The following CFAP70 variants were observed in gnomAD, a reference collection of about 807,000 sequenced individuals.
CFAP70 encodes the protein cilia- and flagella-associated protein 70.
A neutral mutation model predicts 137.6 loss-of-function variants in CFAP70; 81 were observed. The ratio of observed to expected loss-of-function variants is 0.59; its 90% CI spans 0.49 to 0.71. The LOEUF (loss-of-function observed/expected upper bound fraction) is 0.71. CFAP70 is among the 30% of genes least tolerant of loss of function. The probability of loss-of-function intolerance (pLI) is 0.00; values close to 1 mark genes in which losing one functional copy is unlikely to be tolerated. For synonymous variants in CFAP70, 382 were observed against 423.6 expected (o/e 0.90, Z 1.20); for missense variants, 976 against 1,226.7 (o/e 0.80, Z 3.05).
At chr10:73,265,859 A>G (rs2045704108) in intron 25 of CFAP70, among the ~76,000 whole-genome samples, 1 of 148,958 alleles carries the variant, frequency 6.7e-6, no homozygotes, top group Non-Finnish European at 1.5e-5. Flanking sequence ...TCTTTCTTTC[A>G]TACTGTCATA....
chr10:73,309,302 T>A (rs1320092196), intron 12 of CFAP70, among the ~76,000 whole-genome samples: 1 of 152,148 alleles, frequency 6.6e-6, no homozygotes, highest in Non-Finnish European at 1.5e-5. Flanking sequence ...CAAAGCACTA[T>A]GGTACAATAT....
chr10:73,292,021 A>G lies in CFAP70; in HGVS notation c.1771-7T>C. On this transcript the variant is annotated splice_region_variant and splice_polypyrimidine_tract_variant and intron_variant, in intron 16 of 26. Coordinates refer to ENST00000310715, the Ensembl canonical transcript of CFAP70. ...GGGGCTCACGGACCAATCTCTAAGC[A>G]TCAGGAGAGCCAAGGTTATTGTGAT... 1 of 1,613,872 alleles carries G rather than the reference A, an allele frequency of 6.2e-7. No individual in the cohort carries two copies. The highest frequency in any genetic ancestry group is 8.5e-7 in the Non-Finnish European group (1 of 1,179,892).
chr10:73,353,778 C>A, intron 2 of CFAP70, 36 bp from the exon 3 acceptor site: 2 of 1,590,482 alleles, frequency 1.3e-6, no homozygotes, highest in South Asian at 1.1e-5. Flanking sequence ...CAATTATATT[C>A]AAATAGAGAA....
At chr10:73,262,113 C>A (rs1221874529) in intron 25 of CFAP70, among the ~76,000 whole-genome samples, 1 of 148,042 alleles carries the variant, frequency 6.8e-6, no homozygotes, top group Non-Finnish European at 1.5e-5. Context: ...ACAGTAGTCT[C>A]CCTTATCTGA....
intron 7 of CFAP70, among the ~76,000 whole-genome samples, chr10:73,334,086 A>AT (rs1277806010): frequency 6.6e-6 from 1 of 152,172 alleles, no homozygotes; most frequent in Non-Finnish European, 1.5e-5. Context: ...ACAGATATTC[A>AT]TTTTTTTAAA....
intron 9 of CFAP70, among the ~76,000 whole-genome samples, chr10:73,314,881 AG>A (rs1185350459): frequency 2.0e-5 from 3 of 150,744 alleles, no homozygotes; most frequent in Non-Finnish European, 4.4e-5. Flanking sequence ...CTGGGATTAC[AG>A]GTGTGAGCCA....
chr10:73,280,621 T>G (rs2047187207), intron 19 of CFAP70, among the ~76,000 whole-genome samples: 1 of 152,232 alleles, frequency 6.6e-6, no homozygotes, highest in Non-Finnish European at 1.5e-5. Flanking sequence ...GCTATTCAGA[T>G]TGTTTCTTCC....
At chr10:73,308,054 C>T (rs1029479476) in intron 12 of CFAP70, among the ~76,000 whole-genome samples, 1 of 151,630 alleles carries the variant, frequency 6.6e-6, no homozygotes, top group Non-Finnish European at 1.5e-5. Flanking sequence ...ACTTGGGAGG[C>T]TGAGGCAGGA....
chr10:73,293,232 A>G (rs1190838034), intron 16 of CFAP70, 31 bp downstream of exon 17: 4 of 1,579,258 alleles, frequency 2.5e-6, no homozygotes, highest in Admixed American at 3.8e-5. Flanking sequence ...CACAAATAAT[A>G]GTAACAATCA....
intron 14 of CFAP70, 29 bp downstream of exon 15, chr10:73,298,878 T>G: frequency 6.2e-7 from 1 of 1,601,406 alleles, no homozygotes; most frequent in Non-Finnish European, 8.6e-7. Flanking sequence ...TAAACACCCA[T>G]GGAGTAATTA....
Position 73,293,357 on chromosome 10 carries a change from G to GC in CFAP70, c.1675dup (p.Ala559GlyfsTer8). 1 of 1,609,414 alleles carries GC rather than the reference G, an allele frequency of 6.2e-7. No individual in the cohort carries two copies. The highest frequency in any genetic ancestry group is 1.1e-5 in the South Asian group (1 of 90,040). ...CTGTTCACTGCTTGTATAAATGGTT[G>GC]CAACAGTGCCTTGGACATCATCTGG... On this transcript the variant is annotated frameshift_variant, in exon 16 of 27. Transcript: ENST00000310715. LOFTEE classifies it high-confidence loss of function.
chr10:73,341,377 A>C (rs945602351), intron 6 of CFAP70, 22 bp downstream of exon 7: 2 of 1,573,542 alleles, frequency 1.3e-6, no homozygotes, highest in Middle Eastern at 1.7e-4. Context: ...TTATCACAAA[A>C]ACCTGTATAT....
chr10:73,300,959 T>C lies in CFAP70; in HGVS notation c.1257-1294A>G, dbSNP rs7081082. Among the ~76,000 whole-genome samples the C allele has an allele frequency of 6.4e-3, 980 of 152,262 alleles. 15 individuals are homozygous for C. The highest frequency in any genetic ancestry group is 0.022 in the African/African-American group (932 of 41,554). On this transcript the variant is annotated intron_variant, in intron 12 of 26. Coordinates refer to ENST00000310715, the Ensembl canonical transcript of CFAP70. Reference sequence around the variant, plus strand: ...AGCATTAAACAAAATAGACAAAAATTCTTACCCTCATGGAGCTTACATTCT... The same window carrying C: ...AGCATTAAACAAAATAGACAAAAATCCTTACCCTCATGGAGCTTACATTCT...
chr10:73,271,094 G>A (rs1289668650), intron 24 of CFAP70, among the ~76,000 whole-genome samples: 1 of 152,106 alleles, frequency 6.6e-6, no homozygotes, highest in Non-Finnish European at 1.5e-5. Context: ...CCGGAGGCAG[G>A]GATTGCAATG....
intron 19 of CFAP70, among the ~76,000 whole-genome samples, chr10:73,280,721 T>C (rs77220141): frequency 0.046 from 6,977 of 152,262 alleles, 491 homozygotes; most frequent in African/African-American, 0.15. Flanking sequence ...GTTAATAACT[T>C]CTCCTTATTA....
intron 9 of CFAP70, among the ~76,000 whole-genome samples, chr10:73,314,474 T>C (rs1448579479): frequency 6.6e-6 from 1 of 152,232 alleles, no homozygotes; most frequent in Non-Finnish European, 1.5e-5. Flanking sequence ...TGTTCTATAA[T>C]AAGAGTATTT....
At position 73,265,255 on chromosome 10, in the gene CFAP70, G is replaced by A. The variant is rs150488800; in HGVS notation, c.3027+4359C>T. On this transcript the variant is annotated intron_variant, in intron 25 of 26. Coordinates refer to ENST00000310715, the Ensembl canonical transcript of CFAP70. Reference sequence around the variant, plus strand: ...CAGGAGAATGGTGAACCTGGGAGGCGGAGCTTGCAGTGAGCCCAGATCGCG... The same window carrying A: ...CAGGAGAATGGTGAACCTGGGAGGCAGAGCTTGCAGTGAGCCCAGATCGCG... 7.7e-3 allele frequency among the ~76,000 whole-genome samples: 1,161 copies of A among 151,510 alleles called. 13 individuals carry two copies. Among genetic ancestry groups the A allele is most frequent in the African/African-American group, 0.027 (1,096 of 41,278 alleles).
intron 16 of CFAP70, 87 bp downstream of exon 17, chr10:73,293,176 C>G: frequency 3.5e-6 from 5 of 1,423,064 alleles, no homozygotes; most frequent in Non-Finnish European, 4.7e-6. Flanking sequence ...TTTCACCAAT[C>G]AAGTTGGATT....
intron 9 of CFAP70, among the ~76,000 whole-genome samples, chr10:73,315,094 C>T (rs987873962): frequency 6.6e-6 from 1 of 151,482 alleles, no homozygotes; most frequent in South Asian, 2.1e-4. Flanking sequence ...TGGCATATGC[C>T]TATAGTCCAG....
Sources: allele counts gnomAD v4.1 joint callset (sites outside exome capture counted in the v4.1 genomes callset), GRCh38; gene constraint gnomAD v4.1.1; transcripts MANE v1.5; gene names NCBI Gene and HGNC (gene_info 2026-07-23, HGNC 2026-07-21).